Variants in PYM1 observed in about 807,000 individuals in gnomAD.
PYM1 encodes the protein PYM1 exon junction complex associated factor.
A neutral mutation model predicts 20.7 loss-of-function variants in PYM1; 7 were observed. The observed-to-expected ratio is 0.34, with a 90% CI of 0.19 to 0.64. The LOEUF is 0.64. Ranked by LOEUF, PYM1 falls within the 30% of genes least tolerant of loss-of-function variation. The pLI, the probability that PYM1 is intolerant of heterozygous loss-of-function variation, is 0.74. For synonymous variants in PYM1, 100 were observed against 99.2 expected (o/e 1.01, Z -0.05); for missense variants, 194 against 250.0 (o/e 0.78, Z 1.51).
intron 1 of PYM1, among the ~76,000 whole-genome samples, chr12:55,917,652 G>A (rs1385276568): frequency 6.6e-6 from 1 of 151,868 alleles, no homozygotes; most frequent in East Asian, 1.9e-4. Context: ...TATTAGAGGC[G>A]GGCACGGGTT....
At chr12:55,907,153 T>G (rs1414036887) in intron 1 of PYM1, among the ~76,000 whole-genome samples, 1 of 151,000 alleles carries the variant, frequency 6.6e-6, no homozygotes, top group Non-Finnish European at 1.5e-5. Flanking sequence ...AGTATTACTT[T>G]TGTAAAAATA....
chr12:55,902,299 A>T lies in PYM1; in HGVS notation c.188T>A (p.Leu63Gln). The change falls in exon 3 of 3, where the codon CTA becomes CAA. Residue 63 changes from leucine to glutamine, a missense_variant. Around this residue, in one of 3 missense-constraint regions of PYM1, gnomAD observed 158 missense variants for 179.0 expected, o/e 0.88. Coordinates refer to ENST00000408946, the MANE Select transcript of PYM1 (RefSeq NM_032345.3). ...GACAGGAGCAGTGGCCTCAGGGCTTAGCCCTGGGGGCAACTCTGGTTTACT... is the reference window on the plus strand; with the variant it reads ...GACAGGAGCAGTGGCCTCAGGGCTTTGCCCTGGGGGCAACTCTGGTTTACT... ...FKSKPELPPGLSPEATAPVTP... is the reference protein window; with the variant it reads ...FKSKPELPPGQSPEATAPVTP... The T allele has an allele frequency of 6.2e-7, 1 of 1,614,116 alleles. No homozygotes were observed. Among genetic ancestry groups the T allele is most frequent in the East Asian group, 2.2e-5 (1 of 44,878 alleles).
intron 1 of PYM1, among the ~76,000 whole-genome samples, chr12:55,919,840 C>T (rs955125787): frequency 1.3e-5 from 2 of 150,996 alleles, no homozygotes; most frequent in South Asian, 2.1e-4. Context: ...GAGCAGAGAT[C>T]GCGTCACTGC....
chr12:55,907,759 T>G (rs890451968), intron 1 of PYM1, among the ~76,000 whole-genome samples: 3 of 151,026 alleles, frequency 2.0e-5, no homozygotes, highest in African/African-American at 7.3e-5. Context: ...GCCAACATGG[T>G]GAAACCCCAT....
In PYM1 at chr12:55,902,004, G is replaced by A. The variant is rs1452198643; in HGVS notation, c.483C>T (p.Leu161=). The A allele has an allele frequency of 6.2e-7, 1 of 1,614,110 alleles. No individual in the cohort carries two copies. The highest frequency in any genetic ancestry group is 1.1e-5 in the South Asian group (1 of 91,074). The part of the protein sequence containing the change: ...AKKIKNLKKK[L]RQVEELQQRI... The stretch of plus-strand genomic sequence containing the variant: ...GCTGCTGCAGCTCTTCCACCTGCCG[G>A]AGTTTCTTCTTTAGGTTCTTTATCT... The change falls in exon 3 of 3, where the codon CTC becomes CTT. Residue 161 remains leucine (L), a synonymous_variant. Transcript: ENST00000408946.
chr12:55,925,483 A>C (rs2136271225), intron 1 of PYM1, among the ~76,000 whole-genome samples: 1 of 152,294 alleles, frequency 6.6e-6, no homozygotes, highest in African/African-American at 2.4e-5. Flanking sequence ...ATGCTGAGGA[A>C]CTATGAAATC....
intron 1 of PYM1, among the ~76,000 whole-genome samples, chr12:55,916,579 C>T (rs1883011947): frequency 1.3e-5 from 2 of 152,158 alleles, no homozygotes; most frequent in South Asian, 4.2e-4. Flanking sequence ...GGGCGGATCA[C>T]CTGAGGTCAG....
At chr12:55,926,996 C>A in intron 1 of PYM1, 1 of 1,405,202 alleles carries the variant, frequency 7.1e-7, no homozygotes, top group Non-Finnish European at 9.5e-7. Context: ...CCGGGATGGG[C>A]GGGGCACAGA....
chr12:55,911,211 C>T (rs755172934), intron 1 of PYM1, among the ~76,000 whole-genome samples: 2 of 152,018 alleles, frequency 1.3e-5, no homozygotes, highest in Non-Finnish European at 1.5e-5. Flanking sequence ...CAGGTTCAAA[C>T]GATTCTCCTG....
chr12:55,924,332 CAGG>C (rs1883152705), intron 1 of PYM1, among the ~76,000 whole-genome samples: 2 of 152,068 alleles, frequency 1.3e-5, no homozygotes, highest in African/African-American at 4.8e-5. Flanking sequence ...ACAGAAATAT[CAGG>C]AGATTTCTTC....
rs930938562 is a variant in PYM1, at chr12:55,902,293, G to T, written c.194C>A (p.Pro65His). 1 of 1,614,036 alleles carries T rather than the reference G, an allele frequency of 6.2e-7. No individual in the cohort carries two copies. Among genetic ancestry groups the T allele is most frequent in the African/African-American group, 1.3e-5 (1 of 74,910 alleles). ...TGGGGTGACAGGAGCAGTGGCCTCA[G>T]GGCTTAGCCCTGGGGGCAACTCTGG... is the stretch of plus-strand genomic sequence containing the variant. ...SKPELPPGLSPEATAPVTPSR... is the reference protein window; with the variant it reads ...SKPELPPGLSHEATAPVTPSR... The change falls in exon 3 of 3, where the codon CCT becomes CAT. Residue 65 changes from proline (P) to histidine (H), a missense_variant. Around this residue, in one of 3 missense-constraint regions of PYM1, gnomAD observed 158 missense variants for 179.0 expected, o/e 0.88. Transcript: ENST00000408946.
intron 1 of PYM1, among the ~76,000 whole-genome samples, chr12:55,913,057 TG>T (rs1431687110): frequency 1.3e-5 from 2 of 152,212 alleles, no homozygotes; most frequent in African/African-American, 4.8e-5. Flanking sequence ...TTGCTTCCTC[TG>T]GCCTGGAATA....
At chr12:55,907,152 T>C (rs1325821312) in intron 1 of PYM1, among the ~76,000 whole-genome samples, 2 of 151,042 alleles carry the variant, frequency 1.3e-5, no homozygotes, top group African/African-American at 4.9e-5. Context: ...AAGTATTACT[T>C]TTGTAAAAAT....
At chr12:55,912,658 C>T (rs1038609809) in intron 1 of PYM1, among the ~76,000 whole-genome samples, 2 of 151,928 alleles carry the variant, frequency 1.3e-5, no homozygotes, top group Non-Finnish European at 2.9e-5. Flanking sequence ...AGCCACCATA[C>T]TCTCTGCTCT....
chr12:55,924,632 TG>T (rs967642567), intron 1 of PYM1, among the ~76,000 whole-genome samples: 1 of 152,128 alleles, frequency 6.6e-6, no homozygotes, highest in Non-Finnish European at 1.5e-5. Context: ...TGGAAAAGGT[TG>T]GGGAAACAGC....
At chr12:55,916,306 G>A (rs1386594643) in intron 1 of PYM1, among the ~76,000 whole-genome samples, 3 of 151,710 alleles carry the variant, frequency 2.0e-5, no homozygotes, top group Non-Finnish European at 4.4e-5. Context: ...GTGCACTCTA[G>A]CCTGGGTGAC....
intron 1 of PYM1, among the ~76,000 whole-genome samples, chr12:55,905,156 C>T (rs1018042185): frequency 6.0e-5 from 9 of 150,742 alleles, no homozygotes; most frequent in Middle Eastern, 3.4e-3. Flanking sequence ...CGCCTGCCAC[C>T]ACACCTGGCT....
rs760276176 is a variant in PYM1 at position 55,908,384 on chromosome 12, G to A, written c.38-4904C>T. On this transcript the variant is annotated intron_variant, in intron 1 of 2. Coordinates refer to ENST00000408946, the MANE Select transcript of PYM1 (RefSeq NM_032345.3). ...GTGGAGTTTGCAGTGAGCCAATATCGTGCTACTGCACTCCAGCTTGGGCAA... is the reference window on the plus strand; with the variant it reads ...GTGGAGTTTGCAGTGAGCCAATATCATGCTACTGCACTCCAGCTTGGGCAA... Among the ~76,000 whole-genome samples the A allele has an allele frequency of 9.6e-4, 142 of 148,146 alleles. 1 individual carries two copies. Among genetic ancestry groups the A allele is most frequent in the Admixed American group, 9.4e-4 (14 of 14,878 alleles).
rs1265224538 is a variant in PYM1 at position 55,901,721 on chromosome 12, C to T, written c.*151G>A. On this transcript the variant is annotated 3_prime_UTR_variant, in exon 3 of 3. Coordinates refer to ENST00000408946, the MANE Select transcript of PYM1 (RefSeq NM_032345.3). ...AAGAAAAGGGAAGGATTGAGGGAGA[C>T]GCTAGGCTCTGGAGGACAGAGCTGG... 2.5e-5 allele frequency: 28 copies of T among 1,124,046 alleles called. No homozygotes were observed. The highest frequency in any genetic ancestry group is 1.2e-4 in the Admixed American group (5 of 42,718). 69.6% of individuals were successfully genotyped at this position (1,124,046 alleles called of 1,614,324 possible). A position where few individuals can be genotyped will look rare whatever the true frequency, so the allele number is the denominator to read the frequency against.
Sources: gnomAD v4.1 joint callset for allele counts (sites outside exome capture counted in the v4.1 genomes callset) on GRCh38, gnomAD v4.1.1 for gene constraint, gnomAD v4.1.1 regional missense constraint, MANE v1.5 for transcripts, NCBI Gene and HGNC (gene_info 2026-07-23, HGNC 2026-07-21) for gene names.